The following GHR variants were observed in gnomAD, a reference collection of about 807,000 sequenced individuals.
GHR encodes GH receptor.
In GHR, 35 loss-of-function variants were observed where a neutral mutation model predicts 67.1. The observed-to-expected ratio is 0.52, with a 90% CI of 0.40 to 0.69. The LOEUF is 0.69. Ranked by LOEUF, GHR falls within the 30% of genes least tolerant of loss-of-function variation. GHR has a pLI of 0.00. For synonymous variants in GHR, 272 were observed against 269.1 expected (o/e 1.01, Z -0.10); for missense variants, 792 against 764.6 (o/e 1.04, Z -0.42).
In GHR at chr5:42,424,843, G is replaced by A. The variant is rs1742778882; in HGVS notation, c.-12+888G>A. ...CCGAGGGGATGCCTGCTGAGACCGA[G>A]CTGCGGGGGCTCTCGGTCTGGCGCG... On this transcript the variant is annotated intron_variant, in intron 1 of 9. Transcript: ENST00000230882. This position sits in a 1 kb window ranked among gnomAD's most constrained non-coding sequence, Gnocchi z 4.1. 4 of 267,618 alleles carry A rather than the reference G, an allele frequency of 1.5e-5. No homozygotes were observed. In the South Asian group the frequency reaches 4.3e-4, roughly 28 times the overall value. The allele number at this position is 267,618 out of a possible 1,614,324, so 16.6% of individuals were successfully genotyped here.
intron 1 of GHR, among the ~76,000 whole-genome samples, chr5:42,560,456 T>A (rs1376018338): frequency 6.6e-6 from 1 of 152,216 alleles, no homozygotes; most frequent in Non-Finnish European, 1.5e-5. Context: ...CCTCCCAAAA[T>A]GCTGGGATTA....
In GHR at chr5:42,718,402, A is replaced by T. The variant is rs751826242; in HGVS notation, c.946-51A>T. On this transcript the variant is annotated intron_variant, in intron 9 of 9. Transcript: ENST00000230882. ...CTGAACATTATTTGCTAATTCATTT[A>T]ATTATTATGAGTTTCTTTTCATAGA... 1.1e-5 allele frequency: 14 copies of T among 1,320,394 alleles called. No homozygotes were observed. The East Asian group carries it at 2.3e-4, about 22-fold the overall frequency. 81.8% of individuals were successfully genotyped at this position (1,320,394 alleles called of 1,614,324 possible). A position where few individuals can be genotyped will look rare whatever the true frequency, so the allele number is the denominator to read the frequency against.
chr5:42,437,686 T>C (rs937225152), intron 1 of GHR, among the ~76,000 whole-genome samples: 6 of 151,854 alleles, frequency 4.0e-5, no homozygotes, highest in Non-Finnish European at 7.4e-5. Context: ...TAGGTGGGAC[T>C]ACAGGTGCAG....
chr5:42,586,873 A>T (rs1751503710), intron 2 of GHR, among the ~76,000 whole-genome samples: 1 of 152,220 alleles, frequency 6.6e-6, no homozygotes, highest in African/African-American at 2.4e-5. Flanking sequence ...GGCACTGGGT[A>T]TAGCAGATAA....
At chr5:42,576,491 C>G (rs61197005) in intron 2 of GHR, among the ~76,000 whole-genome samples, 53,977 of 152,050 alleles carry the variant, frequency 0.35, 11,218 homozygotes, top group African/African-American at 0.58. Context: ...AGTAACTACT[C>G]TTATTGTCCT....
intron 1 of GHR, among the ~76,000 whole-genome samples, chr5:42,516,868 T>C (rs1034891670): frequency 2.0e-5 from 3 of 152,212 alleles, no homozygotes; most frequent in African/African-American, 7.2e-5. Flanking sequence ...AAAGATTTTT[T>C]ATGGACAGCT....
intron 3 of GHR, among the ~76,000 whole-genome samples, chr5:42,681,983 A>G (rs4866944): frequency 0.83 from 124,208 of 149,896 alleles, 51,725 homozygotes; most frequent in East Asian, 1. Context: ...CGTTTACTGC[A>G]GCACTATTCA....
At chr5:42,529,013 C>CTT (rs60879144) in intron 1 of GHR, among the ~76,000 whole-genome samples, 5 of 143,512 alleles carry the variant, frequency 3.5e-5, no homozygotes, top group Non-Finnish European at 4.6e-5. Flanking sequence ...ATACACGTAA[C>CTT]TTTTTTTTTT....
chr5:42,473,873 C>CAAAA (rs532325898), intron 1 of GHR, among the ~76,000 whole-genome samples: 1 of 83,136 alleles, frequency 1.2e-5, no homozygotes. Flanking sequence ...GACTTTGTCT[C>CAAAA]AAAAAAAAAA....
At chr5:42,584,791 AC>A (rs1751387325) in intron 2 of GHR, among the ~76,000 whole-genome samples, 1 of 66,964 alleles carries the variant, frequency 1.5e-5, no homozygotes, top group Non-Finnish European at 2.8e-5. Flanking sequence ...ATGTATACAC[AC>A]ACACACACAC....
At chr5:42,567,377 G>A (rs1359089358) in intron 2 of GHR, among the ~76,000 whole-genome samples, 1 of 152,152 alleles carries the variant, frequency 6.6e-6, no homozygotes, top group Non-Finnish European at 1.5e-5. Context: ...CAGCTGCTTC[G>A]ACATTTTACT....
At chr5:42,548,016 A>G in intron 1 of GHR, 1 of 840,064 alleles carries the variant, frequency 1.2e-6, no homozygotes, top group Non-Finnish European at 1.4e-6. Flanking sequence ...TCCAGATCAG[A>G]GCCTTTGCTG....
At chr5:42,643,761 G>A (rs1188667484) in intron 3 of GHR, among the ~76,000 whole-genome samples, 1 of 151,676 alleles carries the variant, frequency 6.6e-6, no homozygotes, top group Admixed American at 6.6e-5. Flanking sequence ...TATCTGAAAA[G>A]GGAGAAGTGA....
intron 1 of GHR, among the ~76,000 whole-genome samples, chr5:42,456,721 T>A (rs1418143780): frequency 6.6e-6 from 1 of 152,258 alleles, no homozygotes; most frequent in Non-Finnish European, 1.5e-5. Context: ...ATTATTTGAA[T>A]TGCTTATTTC....
chr5:42,465,583 AGATATTT>A (rs1744689388), intron 1 of GHR: 1 of 1,245,304 alleles, frequency 8.0e-7, no homozygotes, highest in East Asian at 2.3e-5. Context: ...TGCAATTATA[AGATATTT>A]GTTTCTGAAT....
chr5:42,523,398 A>G (rs1029205555), intron 1 of GHR, among the ~76,000 whole-genome samples: 8 of 152,158 alleles, frequency 5.3e-5, no homozygotes, highest in Admixed American at 2.0e-4. Context: ...TTTTCCAATG[A>G]CTTGTGCTCA....
At chr5:42,582,087 G>A (rs573630573) in intron 2 of GHR, among the ~76,000 whole-genome samples, 99 of 152,372 alleles carry the variant, frequency 6.5e-4, no homozygotes, top group African/African-American at 2.3e-3. Flanking sequence ...ACACCAACCA[G>A]CATGGGAGGG....
At chr5:42,658,871 A>T (rs1755405418) in intron 3 of GHR, among the ~76,000 whole-genome samples, 1 of 152,172 alleles carries the variant, frequency 6.6e-6, no homozygotes, top group Admixed American at 6.5e-5. Flanking sequence ...ATTACTTCTG[A>T]CCTAAATTTG....
At chr5:42,541,928 G>C (rs1288944339) in intron 1 of GHR, among the ~76,000 whole-genome samples, 11 of 152,152 alleles carry the variant, frequency 7.2e-5, no homozygotes, top group African/African-American at 2.4e-4. Context: ...GGTTTTATAA[G>C]TTTGAGACGC....
Sources: gnomAD v4.1 joint callset for allele counts (sites outside exome capture counted in the v4.1 genomes callset) on GRCh38, gnomAD v4.1.1 for gene constraint, Gnocchi (gnomAD v3.1) non-coding constraint, MANE v1.5 for transcripts, NCBI Gene and HGNC (gene_info 2026-07-23, HGNC 2026-07-21) for gene names.